Variants in RASSF5 observed in about 807,000 individuals in gnomAD.
RASSF5 encodes ras association domain-containing protein 5.
In RASSF5, 25 loss-of-function variants were observed where a neutral mutation model predicts 40.5. The observed-to-expected ratio is 0.62, with a 90% CI of 0.45 to 0.86. The LOEUF (loss-of-function observed/expected upper bound fraction) is 0.86, where lower values mean the gene tolerates loss of function less well. Among genes scored for constraint, RASSF5 ranks in the 40% least tolerant of loss-of-function variants. The pLI is 0.00. For missense variants in RASSF5, 521 were observed against 572.8 expected, an observed-to-expected ratio of 0.91 and a Z score of 0.92; for synonymous variants, 246 against 252.4, an observed-to-expected ratio of 0.97 and a Z score of 0.24.
chr1:206,532,710 G>T (rs1388076645), intron 1 of RASSF5, among the ~76,000 whole-genome samples: 3 of 152,194 alleles, frequency 2.0e-5, no homozygotes, highest in African/African-American at 7.2e-5. Flanking sequence ...TGACCATAGG[G>T]GAGGCTGGTA....
chr1:206,555,646 TCCCTCCTC>T (rs1667960913), intron 2 of RASSF5, among the ~76,000 whole-genome samples: 2 of 152,152 alleles, frequency 1.3e-5, no homozygotes, highest in Non-Finnish European at 2.9e-5. Context: ...GCTGACCGTC[TCCCTCCTC>T]TTATCTGCCT....
chr1:206,577,104 C>T (rs1440118969), intron 2 of RASSF5, among the ~76,000 whole-genome samples: 2 of 152,086 alleles, frequency 1.3e-5, no homozygotes, highest in Non-Finnish European at 2.9e-5. Flanking sequence ...AGCCACCATG[C>T]CAGGCCCATA....
intron 2 of RASSF5, chr1:206,557,535 T>G: frequency 6.2e-7 from 1 of 1,611,808 alleles, no homozygotes; most frequent in South Asian, 1.1e-5. Flanking sequence ...CCCGGCCCCC[T>G]TGATGCGCTG....
chr1:206,551,574 C>A (rs1037547184), intron 2 of RASSF5, among the ~76,000 whole-genome samples: 1 of 152,228 alleles, frequency 6.6e-6, no homozygotes, highest in Non-Finnish European at 1.5e-5. Context: ...CCCAGATGGG[C>A]CCAGCCCACG....
intron 2 of RASSF5, among the ~76,000 whole-genome samples, chr1:206,553,119 G>C (rs558216656): frequency 3.2e-4 from 49 of 152,194 alleles, no homozygotes; most frequent in African/African-American, 1.2e-3. Flanking sequence ...GGAGAATGGC[G>C]TGAACCTGGG....
chr1:206,537,026 C>T (rs1048511682), intron 1 of RASSF5, among the ~76,000 whole-genome samples: 1 of 152,200 alleles, frequency 6.6e-6, no homozygotes, highest in Non-Finnish European at 1.5e-5. Flanking sequence ...CCCCCCACCC[C>T]CGCTCCCCTG....
chr1:206,540,293 G>T (rs1291561257), intron 2 of RASSF5, among the ~76,000 whole-genome samples: 1 of 152,230 alleles, frequency 6.6e-6, no homozygotes, highest in Non-Finnish European at 1.5e-5. Flanking sequence ...GGCTGGATTC[G>T]TTGTCTCATC....
rs1558526540 is a variant in RASSF5 at position 206,587,612 on chromosome 1, C to T, written c.*634C>T. 1.3e-5 allele frequency: 2 copies of T among 155,350 alleles called. No homozygotes were observed. The highest frequency in any genetic ancestry group is 4.8e-5 in the African/African-American group (2 of 41,498). 9.6% of individuals were successfully genotyped at this position (155,350 alleles called of 1,614,324 possible). ...CAGAGATCTCCAGAGAAGCTGCAGCCTGCCCTGGCCCTGGCTCTGGCCCTG... is the reference window on the plus strand; with the variant it reads ...CAGAGATCTCCAGAGAAGCTGCAGCTTGCCCTGGCCCTGGCTCTGGCCCTG... On this transcript the variant is annotated 3_prime_UTR_variant, in exon 6 of 6. Transcript: ENST00000579436.
At position 206,513,839 on chromosome 1, in the gene RASSF5, G is replaced by A. The variant is rs2103501367; in HGVS notation, c.457+5780G>A. ...ATGACGTTAGACCAGGCAGAAGGCTGGGTTCCCTGGGGGCACTGGTTTAAG... is the reference window on the plus strand; with the variant it reads ...ATGACGTTAGACCAGGCAGAAGGCTAGGTTCCCTGGGGGCACTGGTTTAAG... On this transcript the variant is annotated intron_variant, in intron 1 of 5. Coordinates refer to ENST00000579436, the MANE Select transcript of RASSF5 (RefSeq NM_182663.4). This position sits in a 1 kb window ranked among gnomAD's most constrained non-coding sequence, Gnocchi z 5.0. Among the ~76,000 whole-genome samples the A allele has an allele frequency of 6.6e-6, 1 of 152,360 alleles. No homozygotes were observed. Among genetic ancestry groups the A allele is most frequent in the East Asian group, 1.9e-4 (1 of 5,184 alleles).
intron 2 of RASSF5, among the ~76,000 whole-genome samples, chr1:206,566,109 T>C (rs1668282922): frequency 6.6e-6 from 1 of 152,162 alleles, no homozygotes; most frequent in South Asian, 2.1e-4. Context: ...GAATTTCTGC[T>C]ACCATCAAGC....
intron 2 of RASSF5, among the ~76,000 whole-genome samples, chr1:206,549,154 C>T (rs570170091): frequency 6.6e-6 from 1 of 152,242 alleles, no homozygotes; most frequent in South Asian, 2.1e-4. Context: ...GTGTGAGCCA[C>T]CATGCCTGGC....
intron 2 of RASSF5, among the ~76,000 whole-genome samples, chr1:206,559,342 A>T (rs1000837013): frequency 7.2e-5 from 11 of 152,242 alleles, no homozygotes; most frequent in Admixed American, 1.3e-4. Context: ...AGGAAGAGGC[A>T]CTGCAAAGAT....
At position 206,574,456 on chromosome 1, in the gene RASSF5, C is replaced by G. The variant is rs143635322; in HGVS notation, c.580-8813C>G. Reference sequence around the variant, plus strand: ...CTACTGGCGGACTGTTGACATTGACCATCTGCTCTACGTTTTTGTCTTTGG... The same window carrying G: ...CTACTGGCGGACTGTTGACATTGACGATCTGCTCTACGTTTTTGTCTTTGG... On this transcript the variant is annotated intron_variant, in intron 2 of 5. Transcript: ENST00000579436. Among the ~76,000 whole-genome samples, 183 of 152,310 alleles carry G rather than the reference C, an allele frequency of 1.2e-3. 1 individual carries two copies. The highest frequency in any genetic ancestry group is 4.3e-3 in the African/African-American group (178 of 41,564).
intron 5 of RASSF5, 189 bp downstream of exon 5, chr1:206,585,484 T>C: frequency 1.8e-6 from 1 of 541,078 alleles, no homozygotes; most frequent in Non-Finnish European, 3.3e-6. Flanking sequence ...CTGAACACCC[T>C]GGGGTAGCAC....
intron 2 of RASSF5, among the ~76,000 whole-genome samples, chr1:206,578,699 G>A (rs1020366513): frequency 6.6e-6 from 1 of 152,126 alleles, no homozygotes; most frequent in African/African-American, 2.4e-5. Context: ...TGGGACACAC[G>A]TCCTCCTCAG....
chr1:206,568,380 A>G (rs1553403691), intron 2 of RASSF5, among the ~76,000 whole-genome samples: 1 of 152,190 alleles, frequency 6.6e-6, no homozygotes, highest in East Asian at 1.9e-4. Flanking sequence ...CCAGCCCTCA[A>G]AGCTGCAGGT....
At chr1:206,567,673 A>G (rs1171978540) in intron 2 of RASSF5, among the ~76,000 whole-genome samples, 1 of 152,096 alleles carries the variant, frequency 6.6e-6, no homozygotes, top group Admixed American at 6.5e-5. Flanking sequence ...TTTGAGAAAC[A>G]CAGTTGCCAG....
chr1:206,565,420 T>C (rs1170640135), intron 2 of RASSF5, among the ~76,000 whole-genome samples: 2 of 152,246 alleles, frequency 1.3e-5, no homozygotes, highest in East Asian at 3.8e-4. Flanking sequence ...CCATACTTGG[T>C]TCTCCCTCTT....
Position 206,521,576 on chromosome 1 carries a change from A to G in RASSF5, c.457+13517A>G, listed in dbSNP as rs184684830. Reference sequence around the variant, plus strand: ...CCCAGCCAGGTCTCCTTGCAATCCTATTTGGCTGTCCTTATCTTTGGGGTC... The same window carrying G: ...CCCAGCCAGGTCTCCTTGCAATCCTGTTTGGCTGTCCTTATCTTTGGGGTC... On this transcript the variant is annotated intron_variant, in intron 1 of 5. Transcript: ENST00000579436. 4.0e-4 allele frequency among the ~76,000 whole-genome samples: 61 copies of G among 152,252 alleles called. No homozygotes were observed. The East Asian group carries it at 5.2e-3, about 13-fold the overall frequency.
Sources: allele counts gnomAD v4.1 joint callset (sites outside exome capture counted in the v4.1 genomes callset), GRCh38; gene constraint gnomAD v4.1.1; non-coding constraint Gnocchi (gnomAD v3.1); transcripts MANE v1.5; gene names NCBI Gene and HGNC (gene_info 2026-07-23, HGNC 2026-07-21).